Variants in ACSM5 observed in about 807,000 individuals in gnomAD.
ACSM5 encodes the protein acyl-coenzyme A synthetase ACSM5, mitochondrial.
ACSM5 carries 56 observed loss-of-function variants against 71.6 expected under a neutral mutation model. That is an observed-to-expected ratio of 0.78 (90% CI 0.63 to 0.98). ACSM5 has a LOEUF of 0.98. ACSM5 is among the 50% of genes least tolerant of loss of function. The pLI is 0.00. For synonymous variants in ACSM5, 285 were observed against 281.5 expected, an observed-to-expected ratio of 1.01 and a Z score of -0.12; for missense variants, 723 against 726.0, an observed-to-expected ratio of 1.00 and a Z score of 0.05.
intron 12 of ACSM5, 33 bp downstream of exon 12, chr16:20,437,400 C>T (rs1254551606): frequency 6.9e-7 from 1 of 1,447,828 alleles, no homozygotes; most frequent in Admixed American, 1.7e-5. Flanking sequence ...TGGCCTCCTG[C>T]TTCTGTACCT....
chr16:20,422,228 C>T (rs1966894115), intron 5 of ACSM5, among the ~76,000 whole-genome samples: 1 of 152,154 alleles, frequency 6.6e-6, no homozygotes, highest in Non-Finnish European at 1.5e-5. Context: ...TCTCCTGCCT[C>T]AGCCTCCCAG....
rs1966861351 is a variant in ACSM5 at position 20,418,108 on chromosome 16, G to A, written c.254G>A (p.Gly85Glu). ...GCCTTCTGGTGGGTCAATGGCACAG[G>A]AGCAGAGATCAAGTGGAGCTTTGAG... ...NPAFWWVNGTGAEIKWSFEEL... is the reference protein window; with the variant it reads ...NPAFWWVNGTEAEIKWSFEEL... Residue 85 changes from glycine to glutamate, a missense_variant, in exon 3 of 14, where the codon GGA becomes GAA. Physicochemically the swap from Gly to Glu is moderately conservative, Grantham distance 98. Coordinates refer to ENST00000331849, the MANE Select transcript of ACSM5 (RefSeq NM_017888.3). 2 of 1,613,732 alleles carry A rather than the reference G, an allele frequency of 1.2e-6. No homozygotes were observed. Among genetic ancestry groups the A allele is most frequent in the Non-Finnish European group, 1.7e-6 (2 of 1,179,964 alleles).
At chr16:20,416,899 CAT>C (rs1353026876) in intron 2 of ACSM5, among the ~76,000 whole-genome samples, 1 of 151,140 alleles carries the variant, frequency 6.6e-6, no homozygotes, top group Non-Finnish European at 1.5e-5. Context: ...TCTGAAGAGA[CAT>C]TTCTTCAAGG....
rs60844372 is a variant in ACSM5, at chr16:20,421,656, TAC to T, written c.767+265_767+266del. 1.8e-3 allele frequency among the ~76,000 whole-genome samples: 186 copies of T among 105,986 alleles called. 2 individuals are homozygous for T. Among genetic ancestry groups the T allele is most frequent in the South Asian group, 0.012 (39 of 3,344 alleles). 69.5% of individuals were successfully genotyped at this position (105,986 alleles called of 152,430 possible). ...ATATATATATATATATATATATATATACACACACACATATATATACATACATA... is the reference window on the plus strand; with the variant it reads ...ATATATATATATATATATATATATATACACACACATATATATACATACATA... On this transcript the variant is annotated intron_variant, in intron 5 of 13. Transcript: ENST00000331849.
At chr16:20,424,469 C>T (rs1363696827) in intron 6 of ACSM5, among the ~76,000 whole-genome samples, 1 of 152,182 alleles carries the variant, frequency 6.6e-6, no homozygotes, top group African/African-American at 2.4e-5. Flanking sequence ...GACTCCTGCT[C>T]AGCCTCTCAG....
chr16:20,416,927 C>A (rs1488573950), intron 2 of ACSM5, among the ~76,000 whole-genome samples: 1 of 150,160 alleles, frequency 6.7e-6, no homozygotes, highest in South Asian at 2.1e-4. Context: ...AAACAAATGG[C>A]CAATAGACAC....
chr16:20,427,309 A>G (rs528923075), intron 6 of ACSM5, among the ~76,000 whole-genome samples: 31 of 152,156 alleles, frequency 2.0e-4, no homozygotes, highest in African/African-American at 7.2e-4. Context: ...CAAAAAACCA[A>G]ACAAAAAACA....
At chr16:20,433,019 G>A (rs1192844514) in intron 10 of ACSM5, among the ~76,000 whole-genome samples, 3 of 151,904 alleles carry the variant, frequency 2.0e-5, no homozygotes, top group Admixed American at 6.6e-5. Context: ...CACTTCACCG[G>A]GGTAATTTTG....
chr16:20,438,071 C>A (rs2141663109), intron 12 of ACSM5, among the ~76,000 whole-genome samples: 1 of 151,902 alleles, frequency 6.6e-6, no homozygotes, highest in East Asian at 1.9e-4. Flanking sequence ...TTAGGTGATC[C>A]ACCCACCCCG....
intron 10 of ACSM5, among the ~76,000 whole-genome samples, chr16:20,434,768 C>T (rs1305932334): frequency 6.6e-6 from 1 of 152,164 alleles, no homozygotes; most frequent in African/African-American, 2.4e-5. Flanking sequence ...TTTCCTTGAT[C>T]ACTTACTCTG....
At chr16:20,416,373 G>A (rs2141641850) in intron 2 of ACSM5, among the ~76,000 whole-genome samples, 1 of 151,224 alleles carries the variant, frequency 6.6e-6, no homozygotes, top group South Asian at 2.1e-4. Flanking sequence ...ACTAGCATAA[G>A]GATAGACTTG....
chr16:20,429,410 G>T (rs1333809314), intron 7 of ACSM5, among the ~76,000 whole-genome samples: 2 of 152,044 alleles, frequency 1.3e-5, no homozygotes, highest in African/African-American at 2.4e-5. Context: ...TTTTGGCCAA[G>T]TTACCTGGAA....
At chr16:20,410,201 T>G (rs1966844951) in intron 1 of ACSM5, among the ~76,000 whole-genome samples, 1 of 152,218 alleles carries the variant, frequency 6.6e-6, no homozygotes, top group South Asian at 2.1e-4. Flanking sequence ...TTTTTCTTGT[T>G]GTGCCACGTT....
At chr16:20,410,122 A>G (rs916586519) in intron 1 of ACSM5, among the ~76,000 whole-genome samples, 1 of 152,222 alleles carries the variant, frequency 6.6e-6, no homozygotes, top group Non-Finnish European at 1.5e-5. Context: ...ATTTCATGAA[A>G]TAATGCCTCT....
At chr16:20,414,391 G>C (rs1233310140) in intron 2 of ACSM5, among the ~76,000 whole-genome samples, 1 of 152,182 alleles carries the variant, frequency 6.6e-6, no homozygotes, top group Non-Finnish European at 1.5e-5. Flanking sequence ...TGAAAACAGA[G>C]GTGGGAGTGA....
chr16:20,432,978 C>A (rs1967130125), intron 10 of ACSM5, among the ~76,000 whole-genome samples: 1 of 150,516 alleles, frequency 6.6e-6, no homozygotes, highest in Non-Finnish European at 1.5e-5. Context: ...GCGCTCCAGT[C>A]TCCCAAGTAA....
At chr16:20,439,569 G>T (rs76177725) in intron 12 of ACSM5, among the ~76,000 whole-genome samples, 12,156 of 136,754 alleles carry the variant, frequency 0.089, 615 homozygotes, top group East Asian at 0.18. Context: ...ATTTGAGAAA[G>T]AGGTAGGAGT....
At chr16:20,429,064 G>T (rs1567345058) in intron 7 of ACSM5, among the ~76,000 whole-genome samples, 2 of 151,884 alleles carry the variant, frequency 1.3e-5, no homozygotes, top group Non-Finnish European at 2.9e-5. Flanking sequence ...AGGCTGGAGT[G>T]CAGTGGCATG....
chr16:20,420,623 G>A (rs891104844), intron 4 of ACSM5, among the ~76,000 whole-genome samples: 7 of 151,936 alleles, frequency 4.6e-5, no homozygotes, highest in African/African-American at 7.2e-5. Context: ...AAAAAAAATC[G>A]GCTCATATGA....
Sources: gnomAD v4.1 joint callset for allele counts (sites outside exome capture counted in the v4.1 genomes callset) on GRCh38, gnomAD v4.1.1 for gene constraint, MANE v1.5 for transcripts, NCBI Gene and HGNC (gene_info 2026-07-23, HGNC 2026-07-21) for gene names.